The following RNF130 variants were observed in gnomAD, a reference collection of about 807,000 sequenced individuals.
RNF130 encodes E3 ubiquitin-protein ligase RNF130.
RNF130 carries 21 observed loss-of-function variants against 44.6 expected under a neutral mutation model. That is an observed-to-expected ratio of 0.47 (90% confidence interval 0.33 to 0.68). The LOEUF (loss-of-function observed/expected upper bound fraction) is 0.68, where lower values mean the gene tolerates loss of function less well. RNF130 is among the 30% of genes least tolerant of loss of function. The pLI is 0.02. For synonymous variants in RNF130, 214 were observed against 210.4 expected (o/e 1.02, Z -0.15); for missense variants, 479 against 560.6 (o/e 0.85, Z 1.47).
At chr5:179,959,556 G>C (rs541784584) in intron 8 of RNF130, among the ~76,000 whole-genome samples, 1 of 152,054 alleles carries the variant, frequency 6.6e-6, no homozygotes, top group Non-Finnish European at 1.5e-5. Context: ...GAACCCGGGA[G>C]GTGGAGGTTG....
intron 8 of RNF130, among the ~76,000 whole-genome samples, chr5:179,957,238 C>G (rs1762231547): frequency 6.6e-6 from 1 of 152,062 alleles, no homozygotes; most frequent in African/African-American, 2.4e-5. Flanking sequence ...ATGGCAAAAC[C>G]CCATCTCTAC....
At chr5:180,000,160 T>C (rs754946553) in intron 3 of RNF130, among the ~76,000 whole-genome samples, 1 of 152,262 alleles carries the variant, frequency 6.6e-6, no homozygotes, top group Non-Finnish European at 1.5e-5. Flanking sequence ...TTCTGAAGGA[T>C]GGCTTTGATG....
At position 180,049,020 on chromosome 5, in the gene RNF130, A is replaced by G. The variant is rs570147032; in HGVS notation, c.248-8373T>C. Among the ~76,000 whole-genome samples the G allele has an allele frequency of 3.9e-5, 6 of 152,348 alleles. 1 individual carries two copies. In the South Asian group the frequency reaches 1.2e-3, roughly 32 times the overall value. ...AAGTGATCACAGATGCCTGAATTAC[A>G]TAAGGTTTCTGTTTTCTGTTTTAAA... is the stretch of plus-strand genomic sequence containing the variant. On this transcript the variant is annotated intron_variant, in intron 1 of 8. Transcript: ENST00000521389.
At chr5:180,058,210 C>A (rs751808204) in intron 1 of RNF130, among the ~76,000 whole-genome samples, 93 of 152,140 alleles carry the variant, frequency 6.1e-4, no homozygotes, top group Non-Finnish European at 1.0e-3. Context: ...GCTGGCCACA[C>A]TCAACTTCTC....
intron 2 of RNF130, among the ~76,000 whole-genome samples, chr5:180,029,953 T>G (rs934905148): frequency 6.6e-6 from 1 of 151,690 alleles, no homozygotes; most frequent in East Asian, 1.9e-4. Context: ...GGTTCAAGGA[T>G]TCTCCTGTCT....
At chr5:179,915,643 A>AGGCGGGACTGGCAT (rs1761533587) in exon 8 of RNF130, 1 of 152,176 alleles carries the variant, frequency 6.6e-6, no homozygotes. Flanking sequence ...TTGGCCCCTC[A>AGGCGGGACTGGCAT]GGCGGGACTG....
chr5:180,037,059 T>A (rs1204027143), intron 2 of RNF130, among the ~76,000 whole-genome samples: 1 of 152,248 alleles, frequency 6.6e-6, no homozygotes, highest in Non-Finnish European at 1.5e-5. Context: ...TATTCTTCTA[T>A]AACTTACTGT....
rs935002007 is a variant in RNF130, at chr5:180,071,719, G to A, written c.-17C>T. 44 of 1,242,070 alleles carry A rather than the reference G, an allele frequency of 3.5e-5. No homozygotes were observed. The highest frequency in any genetic ancestry group is 4.4e-5 in the Non-Finnish European group (44 of 994,362). The allele number at this position is 1,242,070 out of a possible 1,614,324, so 76.9% of individuals were successfully genotyped here. The stretch of plus-strand genomic sequence containing the variant: ...GCAGCTCATCGTCCCTCCGGCAGCC[G>A]CCGCTGCTCGCGGACCGGGCTCCGG... On this transcript the variant is annotated 5_prime_UTR_variant, in exon 1 of 9. Coordinates refer to ENST00000521389, the MANE Select transcript of RNF130 (RefSeq NM_018434.6).
chr5:179,948,271 G>C (rs1762073657), intron 7 of RNF130, among the ~76,000 whole-genome samples: 1 of 152,206 alleles, frequency 6.6e-6, no homozygotes, highest in Admixed American at 6.5e-5. Flanking sequence ...TACACCCTAA[G>C]TGATCAGGAG....
chr5:179,973,860 G>A (rs1235829027), intron 5 of RNF130, among the ~76,000 whole-genome samples: 1 of 152,210 alleles, frequency 6.6e-6, no homozygotes, highest in Non-Finnish European at 1.5e-5. Flanking sequence ...AAAAGCACAA[G>A]CATACTGAGC....
chr5:179,945,480 C>T (rs1012361694), intron 7 of RNF130, among the ~76,000 whole-genome samples: 1 of 152,142 alleles, frequency 6.6e-6, no homozygotes, highest in Non-Finnish European at 1.5e-5. Context: ...CACTAAACGC[C>T]GGGTACTTTC....
intron 7 of RNF130, among the ~76,000 whole-genome samples, chr5:179,948,643 C>T (rs1239461107): frequency 6.6e-6 from 1 of 151,914 alleles, no homozygotes; most frequent in Non-Finnish European, 1.5e-5. Context: ...TGCATTCCAG[C>T]CTGGATGATA....
At chr5:179,991,351 A>C (rs1428914007) in intron 3 of RNF130, among the ~76,000 whole-genome samples, 2 of 152,076 alleles carry the variant, frequency 1.3e-5, no homozygotes, top group Non-Finnish European at 1.5e-5. Context: ...TTTGCCTGTT[A>C]ATCTTTCTGC....
intron 2 of RNF130, among the ~76,000 whole-genome samples, chr5:180,027,078 C>CAGAG (rs1411356455): frequency 6.6e-6 from 1 of 152,148 alleles, no homozygotes; most frequent in East Asian, 1.9e-4. Flanking sequence ...ATGCACAGCA[C>CAGAG]AGAGAGCTGC....
chr5:179,937,773 T>C (rs1400983588), intron 7 of RNF130, among the ~76,000 whole-genome samples: 1 of 152,092 alleles, frequency 6.6e-6, no homozygotes, highest in Non-Finnish European at 1.5e-5. Flanking sequence ...TTGTTCATCA[T>C]GGTTAAAAGG....
chr5:180,009,466 T>C (rs6873639), intron 3 of RNF130, among the ~76,000 whole-genome samples: 26,944 of 152,052 alleles, frequency 0.18, 2,729 homozygotes, highest in Middle Eastern at 0.24. Flanking sequence ...GAAGAGGATA[T>C]ACGGATGGCA....
At chr5:180,052,621 G>T (rs9329096) in intron 1 of RNF130, among the ~76,000 whole-genome samples, 84,913 of 152,014 alleles carry the variant, frequency 0.56, 24,125 homozygotes, top group South Asian at 0.73. Context: ...TGGGCTATCT[G>T]GACCATAATT....
intron 7 of RNF130, among the ~76,000 whole-genome samples, chr5:179,923,144 A>G (rs951966934): frequency 2.6e-5 from 4 of 152,146 alleles, no homozygotes; most frequent in Non-Finnish European, 4.4e-5. Flanking sequence ...TTTCTCGTAC[A>G]TGTTCATCTA....
intron 1 of RNF130, among the ~76,000 whole-genome samples, chr5:180,066,890 T>C (rs1471900057): frequency 1.3e-5 from 2 of 152,102 alleles, no homozygotes; most frequent in Non-Finnish European, 2.9e-5. Flanking sequence ...CCAGGTATAA[T>C]GGCATGCACC....
Sources: allele counts gnomAD v4.1 joint callset (sites outside exome capture counted in the v4.1 genomes callset), GRCh38; gene constraint gnomAD v4.1.1; transcripts MANE v1.5; gene names NCBI Gene and HGNC (gene_info 2026-07-23, HGNC 2026-07-21).